POU2AF1: variants seen among roughly 807,000 people sequenced by gnomAD.
POU2AF1 encodes POU domain class 2-associating factor 1.
POU2AF1 carries 12 observed loss-of-function variants against 26.3 expected under a neutral mutation model. The observed-to-expected ratio is 0.46, with a 90% confidence interval of 0.29 to 0.74. The LOEUF (loss-of-function observed/expected upper bound fraction) is 0.74. Among genes scored for constraint, POU2AF1 ranks in the 30% least tolerant of loss-of-function variants. POU2AF1 has a pLI of 0.09. For missense variants in POU2AF1, 297 were observed against 334.5 expected, an observed-to-expected ratio of 0.89 and a Z score of 0.87; for synonymous variants, 175 against 148.0, an observed-to-expected ratio of 1.18 and a Z score of -1.32.
At chr11:111,358,467 CAT>C (rs1247797542) in intron 2 of POU2AF1, among the ~76,000 whole-genome samples, 37 of 150,688 alleles carry the variant, frequency 2.5e-4, no homozygotes, top group South Asian at 8.4e-4. Flanking sequence ...CTCTCACACA[CAT>C]ACATTCTCAC....
chr11:111,367,540 T>G (rs4547134), intron 1 of POU2AF1, among the ~76,000 whole-genome samples: 89,493 of 151,930 alleles, frequency 0.59, 27,013 homozygotes, highest in Admixed American at 0.68. Flanking sequence ...TGATTCCAAG[T>G]ACACTCCACT....
Position 111,363,941 on chromosome 11 carries a change from G to T in POU2AF1, c.17-5023C>A, listed in dbSNP as rs943846305. 5.1e-6 allele frequency: 5 copies of T among 985,238 alleles called. No homozygotes were observed. In the African/African-American group the frequency reaches 7.0e-5, roughly 14 times the overall value. The allele number at this position is 985,238 out of a possible 1,614,324, so 61.0% of individuals were successfully genotyped here. On this transcript the variant is annotated intron_variant, in intron 1 of 4. Coordinates refer to ENST00000393067, the MANE Select transcript of POU2AF1 (RefSeq NM_006235.3). ...CATGAGCCTCTCGGCCCTGATTGGAGATCTCCTTTTTCGGGCTGAGAAGTT... is the reference window on the plus strand; with the variant it reads ...CATGAGCCTCTCGGCCCTGATTGGATATCTCCTTTTTCGGGCTGAGAAGTT...
intron 1 of POU2AF1, 127 bp downstream of exon 1, chr11:111,379,035 A>G: frequency 3.0e-6 from 2 of 661,434 alleles, no homozygotes; most frequent in Admixed American, 2.3e-5. Flanking sequence ...CGGGGCTTGG[A>G]ACCCAGACCC....
chr11:111,357,421 C>T (rs1162202772), intron 4 of POU2AF1, 24 bp downstream of exon 4: 1 of 1,613,998 alleles, frequency 6.2e-7, no homozygotes, highest in South Asian at 1.1e-5. Flanking sequence ...TGGGCGGGTG[C>T]AGTCCTGCCT....
At chr11:111,358,554 TCA>T (rs1238740029) in intron 2 of POU2AF1, among the ~76,000 whole-genome samples, 1 of 132,626 alleles carries the variant, frequency 7.5e-6, no homozygotes, top group Non-Finnish European at 1.6e-5. Flanking sequence ...ACATACACAC[TCA>T]CATGCATACA....
chr11:111,352,681 A>T lies in POU2AF1; in HGVS notation c.*1580T>A, dbSNP rs1271096007. The T allele has an allele frequency of 5.8e-6, 1 of 172,508 alleles. No individual in the cohort carries two copies. Among genetic ancestry groups the T allele is most frequent in the Non-Finnish European group, 1.3e-5 (1 of 79,784 alleles). The allele number at this position is 172,508 out of a possible 1,614,324, so 10.7% of individuals were successfully genotyped here. ...CTGGGTGCGGTGGCTCACGCCTGTGATCCCAGCACTCTGAGAGGCTGAGGC... is the reference window on the plus strand; with the variant it reads ...CTGGGTGCGGTGGCTCACGCCTGTGTTCCCAGCACTCTGAGAGGCTGAGGC... On this transcript the variant is annotated 3_prime_UTR_variant, in exon 5 of 5. Transcript: ENST00000393067.
chr11:111,356,116 T>C (rs182103911), intron 4 of POU2AF1, among the ~76,000 whole-genome samples: 5 of 152,358 alleles, frequency 3.3e-5, no homozygotes, highest in African/African-American at 7.2e-5. Flanking sequence ...TCTTAATGAA[T>C]ACTGTTTGTT....
intron 1 of POU2AF1, among the ~76,000 whole-genome samples, chr11:111,367,361 T>C (rs1413739961): frequency 1.3e-5 from 2 of 152,210 alleles, no homozygotes; most frequent in Non-Finnish European, 2.9e-5. Flanking sequence ...TTGCATGATG[T>C]TCCATAGAGA....
chr11:111,372,029 T>TACACAC lies in POU2AF1; in HGVS notation c.16+7127_16+7132dup, dbSNP rs374971894. On this transcript the variant is annotated intron_variant, in intron 1 of 4. Transcript: ENST00000393067. The stretch of plus-strand genomic sequence containing the variant: ...CACACCCCACCTAAACACACACAAA[T>TACACAC]ACACACACACACACACACACACACA... Among the ~76,000 whole-genome samples the TACACAC allele has an allele frequency of 3.8e-3, 455 of 121,128 alleles. 5 individuals carry two copies. The highest frequency in any genetic ancestry group is 0.013 in the Middle Eastern group (3 of 226). 79.5% of individuals were successfully genotyped at this position (121,128 alleles called of 152,430 possible). A position where few individuals can be genotyped will look rare whatever the true frequency, so the allele number is the denominator to read the frequency against.
chr11:111,367,907 C>T (rs973326417), intron 1 of POU2AF1, among the ~76,000 whole-genome samples: 2 of 152,208 alleles, frequency 1.3e-5, no homozygotes, highest in African/African-American at 4.8e-5. Context: ...CTGCATCTGC[C>T]TGCCTTTTAC....
intron 1 of POU2AF1, among the ~76,000 whole-genome samples, chr11:111,377,232 C>A (rs1591208700): frequency 7.3e-6 from 1 of 136,956 alleles, no homozygotes; most frequent in South Asian, 2.3e-4. Context: ...AAAAAAAAAA[C>A]AGCTGGGTGT....
intron 1 of POU2AF1, among the ~76,000 whole-genome samples, chr11:111,373,490 G>A (rs1861250883): frequency 6.6e-6 from 1 of 152,210 alleles, no homozygotes; most frequent in Non-Finnish European, 1.5e-5. Context: ...GCCCTAAGCA[G>A]ATAGAAGAAT....
intron 1 of POU2AF1, among the ~76,000 whole-genome samples, chr11:111,370,766 C>T (rs1486041226): frequency 6.6e-6 from 1 of 152,202 alleles, no homozygotes; most frequent in Non-Finnish European, 1.5e-5. Flanking sequence ...TGCATCTGCA[C>T]ACCCCAGGAT....
intron 1 of POU2AF1, among the ~76,000 whole-genome samples, chr11:111,371,137 A>G (rs78873039): frequency 0.049 from 7,409 of 152,238 alleles, 225 homozygotes; most frequent in Middle Eastern, 0.15. Context: ...AATGTCCTGT[A>G]TGCTTGCTGT....
chr11:111,372,017 AACACACACAAATACAC>A, intron 1 of POU2AF1, among the ~76,000 whole-genome samples: 1 of 129,552 alleles, frequency 7.7e-6, no homozygotes, highest in African/African-American at 2.9e-5. Flanking sequence ...ACCCCACCTA[AACACACACAAATACAC>A]ACACACACAC....
At chr11:111,371,640 C>A (rs1053965188) in intron 1 of POU2AF1, among the ~76,000 whole-genome samples, 1 of 152,106 alleles carries the variant, frequency 6.6e-6, no homozygotes, top group African/African-American at 2.4e-5. Context: ...AGAGGACATA[C>A]AAATTGTAAT....
Position 111,354,416 on chromosome 11 carries a change from C to G in POU2AF1, c.616G>C (p.Val206Leu). 6.2e-7 allele frequency: 1 copy of G among 1,614,134 alleles called. No individual in the cohort carries two copies. ...PAPALPGPQF[V>L]QLPISIPEPV... ...TCTGGGATAGAGATGGGGAGCTGGA[C>G]AAACTGGGGCCCAGGTAGGGCTGGG... The change falls in exon 5 of 5, where the codon GTC becomes CTC. Residue 206 changes from valine to leucine, a missense_variant. Physicochemically the swap from Val to Leu is conservative, Grantham distance 32 (BLOSUM62 1). Transcript: ENST00000393067.
chr11:111,368,160 C>T (rs1861140314), intron 1 of POU2AF1, among the ~76,000 whole-genome samples: 1 of 152,184 alleles, frequency 6.6e-6, no homozygotes, highest in Non-Finnish European at 1.5e-5. Context: ...TGCCTCAGAA[C>T]TGAAGTGGTT....
intron 1 of POU2AF1, among the ~76,000 whole-genome samples, chr11:111,370,769 C>T (rs1243784680): frequency 1.3e-5 from 2 of 152,090 alleles, no homozygotes; most frequent in African/African-American, 4.8e-5. Context: ...ATCTGCACAC[C>T]CCAGGATCTA....
Sources: gnomAD v4.1 joint callset for allele counts (sites outside exome capture counted in the v4.1 genomes callset) on GRCh38, gnomAD v4.1.1 for gene constraint, MANE v1.5 for transcripts, NCBI Gene and HGNC (gene_info 2026-07-23, HGNC 2026-07-21) for gene names.